CCSER2: variants seen among roughly 807,000 people sequenced by gnomAD.
CCSER2 encodes the protein coiled-coil serine rich protein 2.
A neutral mutation model predicts 92.3 loss-of-function variants in CCSER2; 46 were observed. That is an observed-to-expected ratio of 0.50 (90% confidence interval 0.39 to 0.64). The LOEUF is 0.64. Among genes scored for constraint, CCSER2 ranks in the 30% least tolerant of loss-of-function variants. The pLI, the probability that CCSER2 is intolerant of heterozygous loss-of-function variation, is 0.00. For missense variants in CCSER2, 1,244 were observed against 1,238.9 expected, an observed-to-expected ratio of 1.00 and a Z score of -0.06; for synonymous variants, 433 against 431.4, an observed-to-expected ratio of 1.00 and a Z score of -0.04.
chr10:84,387,728 C>T (rs56208023), intron 3 of CCSER2, among the ~76,000 whole-genome samples: 15,158 of 152,058 alleles, frequency 0.1, 957 homozygotes, highest in Admixed American at 0.15. Context: ...CGGGGTTTCA[C>T]CGTGTTAGCC....
Position 84,371,568 on chromosome 10 carries a change from G to A in CCSER2, c.516G>A (p.Gln172=), listed in dbSNP as rs148068698. 925 of 1,613,704 alleles carry A rather than the reference G, an allele frequency of 5.7e-4. 7 individuals carry two copies. The African/African-American group carries it at 9.3e-3, about 16-fold the overall frequency. ...SYSSINTPKS[Q]LNGFYGNRSA... ...CTTCGATCAATACTCCAAAATCACA[G>A]TTGAATGGATTTTATGGAAACCGAT... is the stretch of plus-strand genomic sequence containing the variant. Residue 172 remains glutamine (Q), a synonymous_variant, in exon 2 of 10, where the codon CAG becomes CAA. Transcript: ENST00000372088.
chr10:84,365,012 G>C (rs1319461315), intron 1 of CCSER2, among the ~76,000 whole-genome samples: 1 of 151,942 alleles, frequency 6.6e-6, no homozygotes, highest in Non-Finnish European at 1.5e-5. Flanking sequence ...AGAGTGCTGG[G>C]ATTATAGGCG....
chr10:84,493,713 A>C (rs1212564803), intron 9 of CCSER2, among the ~76,000 whole-genome samples: 2 of 152,234 alleles, frequency 1.3e-5, no homozygotes, highest in African/African-American at 4.8e-5. Flanking sequence ...GTTTCATGGA[A>C]GACAACTTTT....
At chr10:84,444,012 G>A (rs1844751451) in intron 6 of CCSER2, among the ~76,000 whole-genome samples, 1 of 152,086 alleles carries the variant, frequency 6.6e-6, no homozygotes. Context: ...GGCTGGGGGA[G>A]GATAGCATTA....
At chr10:84,335,228 C>CTCT (rs1843768271) in intron 1 of CCSER2, among the ~76,000 whole-genome samples, 1 of 69,998 alleles carries the variant, frequency 1.4e-5, no homozygotes, top group South Asian at 7.4e-4. Context: ...CTCTCTCTCT[C>CTCT]TTTTTTTTTT....
At chr10:84,383,928 A>C (rs559866702) in intron 3 of CCSER2, among the ~76,000 whole-genome samples, 4 of 152,362 alleles carry the variant, frequency 2.6e-5, no homozygotes, top group African/African-American at 7.2e-5. Flanking sequence ...GAAAGATTCA[A>C]ATAAGCATGA....
chr10:84,482,404 C>A (rs1847510207), intron 9 of CCSER2, among the ~76,000 whole-genome samples: 1 of 152,160 alleles, frequency 6.6e-6, no homozygotes, highest in African/African-American at 2.4e-5. Context: ...TGCGAGAAAT[C>A]AAGATTCATT....
chr10:84,366,051 T>C (rs1283199038), intron 1 of CCSER2, among the ~76,000 whole-genome samples: 2 of 152,316 alleles, frequency 1.3e-5, no homozygotes, highest in Non-Finnish European at 2.9e-5. Flanking sequence ...TGCTTGATCA[T>C]GTCACTACTT....
chr10:84,399,423 AAC>A (rs1564629230), intron 3 of CCSER2, among the ~76,000 whole-genome samples: 2 of 152,164 alleles, frequency 1.3e-5, no homozygotes, highest in African/African-American at 4.8e-5. Flanking sequence ...CACTTCCAGA[AAC>A]AGTTTACCTG....
At chr10:84,347,859 G>A (rs1292127281) in intron 1 of CCSER2, among the ~76,000 whole-genome samples, 12 of 151,942 alleles carry the variant, frequency 7.9e-5, no homozygotes, top group Non-Finnish European at 1.2e-4. Context: ...CAGACGGGGC[G>A]GCGGGGCAGA....
chr10:84,339,629 C>T (rs912557267), intron 1 of CCSER2, among the ~76,000 whole-genome samples: 1 of 151,960 alleles, frequency 6.6e-6, no homozygotes, highest in Non-Finnish European at 1.5e-5. Context: ...GCATGCGCCA[C>T]CACGCCTGGC....
At chr10:84,476,789 A>T (rs1216023499) in intron 8 of CCSER2, among the ~76,000 whole-genome samples, 1 of 152,032 alleles carries the variant, frequency 6.6e-6, no homozygotes, top group Admixed American at 6.6e-5. Flanking sequence ...TTTGAAAGTG[A>T]TGATTATTTG....
At chr10:84,367,355 A>G (rs1027361717) in intron 1 of CCSER2, among the ~76,000 whole-genome samples, 7 of 148,424 alleles carry the variant, frequency 4.7e-5, no homozygotes, top group Middle Eastern at 3.3e-3. Context: ...CTAATTCAAT[A>G]TCTTTGTCTT....
chr10:84,399,547 T>TAA (rs1842008770), intron 3 of CCSER2, among the ~76,000 whole-genome samples: 1 of 152,192 alleles, frequency 6.6e-6, no homozygotes, highest in Non-Finnish European at 1.5e-5. Flanking sequence ...TCACTAAATA[T>TAA]GTTTTGGGTA....
chr10:84,483,254 G>C (rs1033799451), intron 9 of CCSER2, among the ~76,000 whole-genome samples: 1 of 152,100 alleles, frequency 6.6e-6, no homozygotes, highest in Non-Finnish European at 1.5e-5. Flanking sequence ...TTAGTCAGGC[G>C]TGGTGGTGCA....
chr10:84,353,608 A>G lies in CCSER2; in HGVS notation c.-39-17406A>G, dbSNP rs181409105. ...TTTCCACACCCTTCAGGTTTAGCCAATCCTGACTTAGGTGGGTGAATGGGG... is the reference window on the plus strand; with the variant it reads ...TTTCCACACCCTTCAGGTTTAGCCAGTCCTGACTTAGGTGGGTGAATGGGG... On this transcript the variant is annotated intron_variant, in intron 1 of 9. Transcript: ENST00000372088. Among the ~76,000 whole-genome samples the G allele has an allele frequency of 6.0e-4, 91 of 152,280 alleles. 1 individual carries two copies. The highest frequency in any genetic ancestry group is 1.5e-3 in the African/African-American group (63 of 41,568).
In CCSER2 at chr10:84,506,796, A is replaced by AAAATAAATAAATAAATAAATAAAT. The variant is rs144088295; in HGVS notation, c.2326-6644_2326-6621dup. Among the ~76,000 whole-genome samples the AAAATAAATAAATAAATAAATAAAT allele has an allele frequency of 1.3e-3, 195 of 147,956 alleles. 1 individual carries two copies. Among genetic ancestry groups the AAAATAAATAAATAAATAAATAAAT allele is most frequent in the Non-Finnish European group, 1.9e-3 (125 of 67,272 alleles). On this transcript the variant is annotated intron_variant, in intron 9 of 9. Coordinates refer to ENST00000372088, the MANE Select transcript of CCSER2 (RefSeq NM_001284240.2). ...GGCAATAGTGCAAGACTCCATCTCAAAAATAAATAAATAAATAAATAAATA... is the reference window on the plus strand; with the variant it reads ...GGCAATAGTGCAAGACTCCATCTCAAAAATAAATAAATAAATAAATAAATAAATAAATAAATAAATAAATAAATA...
At chr10:84,452,563 C>G (rs1845356789) in intron 6 of CCSER2, among the ~76,000 whole-genome samples, 1 of 152,144 alleles carries the variant, frequency 6.6e-6, no homozygotes, top group Non-Finnish European at 1.5e-5. Flanking sequence ...AAACATTTCA[C>G]CTAGTAAAGC....
chr10:84,469,892 A>G (rs1296561226), intron 7 of CCSER2, among the ~76,000 whole-genome samples: 1 of 152,038 alleles, frequency 6.6e-6, no homozygotes, highest in East Asian at 1.9e-4. Flanking sequence ...TAAACCAGCC[A>G]TGAAATGCCT....
Sources: allele counts gnomAD v4.1 joint callset (sites outside exome capture counted in the v4.1 genomes callset), GRCh38; gene constraint gnomAD v4.1.1; transcripts MANE v1.5; gene names NCBI Gene and HGNC (gene_info 2026-07-23, HGNC 2026-07-21).